Variants in CALD1 observed in about 807,000 individuals in gnomAD.
CALD1 encodes caldesmon.
Under a neutral mutation model 99.9 loss-of-function variants are expected in CALD1, and 33 were observed. The ratio of observed to expected loss-of-function variants is 0.33; its 90% CI spans 0.25 to 0.44. The LOEUF (loss-of-function observed/expected upper bound fraction) is 0.44. Ranked by LOEUF, CALD1 falls within the 20% of genes least tolerant of loss-of-function variation. The pLI, the probability that CALD1 is intolerant of heterozygous loss-of-function variation, is 1.00. For missense variants in CALD1, 861 were observed against 962.1 expected (o/e 0.89, Z 1.39); for synonymous variants, 310 against 325.0 (o/e 0.95, Z 0.50).
intron 1 of CALD1, among the ~76,000 whole-genome samples, chr7:134,806,064 A>G (rs1275521184): frequency 2.6e-5 from 4 of 152,170 alleles, no homozygotes; most frequent in Non-Finnish European, 4.4e-5. Context: ...CCCGGCCCCA[A>G]AGAAGATTTT....
At chr7:134,775,466 C>T (rs1361808139), upstream of CALD1, among the ~76,000 whole-genome samples, 1 of 152,168 alleles carries the variant, frequency 6.6e-6, no homozygotes, top group Non-Finnish European at 1.5e-5. Flanking sequence ...AATCCCAGCA[C>T]TTTGGGAGGC....
chr7:134,906,214 G>T (rs1439199567), intron 3 of CALD1, among the ~76,000 whole-genome samples: 1 of 151,866 alleles, frequency 6.6e-6, no homozygotes, highest in Non-Finnish European at 1.5e-5. Context: ...ACAGGCATGA[G>T]CCACCATGCC....
the CALD1 span, among the ~76,000 whole-genome samples, chr7:134,711,667 T>G: frequency 1.2e-5 from 1 of 85,552 alleles, no homozygotes; most frequent in South Asian, 4.8e-4. Flanking sequence ...TCTCTATATA[T>G]ATATATATAT....
chr7:134,874,798 T>C (rs1413763171), intron 3 of CALD1, among the ~76,000 whole-genome samples: 3 of 152,292 alleles, frequency 2.0e-5, no homozygotes, highest in Admixed American at 1.3e-4. Flanking sequence ...TGAAAGTAAA[T>C]ATTTTTACTA....
chr7:134,914,751 G>A (rs943991325), intron 3 of CALD1, among the ~76,000 whole-genome samples: 1 of 152,144 alleles, frequency 6.6e-6, no homozygotes, highest in African/African-American at 2.4e-5. Flanking sequence ...AGCTCCCAAT[G>A]CTAGCCATCC....
chr7:134,778,174 C>T (rs1796959183), upstream of CALD1, among the ~76,000 whole-genome samples: 1 of 152,126 alleles, frequency 6.6e-6, no homozygotes, highest in African/African-American at 2.4e-5. Flanking sequence ...GGGAAGCAAC[C>T]TTCCCAAAAA....
chr7:134,836,368 G>C (rs971840054), intron 1 of CALD1, among the ~76,000 whole-genome samples: 6 of 152,100 alleles, frequency 3.9e-5, no homozygotes, highest in African/African-American at 1.4e-4. Flanking sequence ...TAAAAATTAA[G>C]TGCACCATTT....
At chr7:134,780,794 T>C (rs1254045129) in intron 1 of CALD1, among the ~76,000 whole-genome samples, 1 of 152,242 alleles carries the variant, frequency 6.6e-6, no homozygotes, top group East Asian at 1.9e-4. Context: ...ACTTGTAAAC[T>C]GAAAATCCTT....
At chr7:134,753,034 A>AC (rs1491387537) in intron 1 of CALD1, among the ~76,000 whole-genome samples, 1 of 20,824 alleles carries the variant, frequency 4.8e-5, no homozygotes, top group African/African-American at 1.5e-4. Flanking sequence ...AAAAAAAAAC[A>AC]AAAAAAAAAA....
In CALD1 at chr7:134,803,943, G is replaced by A. The variant is rs181464334; in HGVS notation, c.-130+24194G>A. On this transcript the variant is annotated intron_variant, in intron 1 of 14. Coordinates refer to ENST00000361675, the MANE Select transcript of CALD1 (RefSeq NM_033138.4). ...ACTCCTGACCTCAGGTGATCCACCC[G>A]CCTCGGCCTCCCAAAGTGTTGGGAT... 4.7e-4 allele frequency among the ~76,000 whole-genome samples: 72 copies of A among 152,194 alleles called. No homozygotes were observed. The Middle Eastern group carries it at 0.014, about 29-fold the overall frequency.
At chr7:134,869,430 C>A (rs919314815) in intron 3 of CALD1, among the ~76,000 whole-genome samples, 5 of 152,210 alleles carry the variant, frequency 3.3e-5, no homozygotes, top group African/African-American at 4.8e-5. Flanking sequence ...ATGGGGATAC[C>A]AGCACTGGAA....
chr7:134,853,757 C>T (rs1470552713), intron 2 of CALD1, among the ~76,000 whole-genome samples: 1 of 152,066 alleles, frequency 6.6e-6, no homozygotes, highest in East Asian at 1.9e-4. Flanking sequence ...ATGTGCAGAA[C>T]GTGCAGCTTG....
chr7:134,963,149 A>T (rs555481340), intron 13 of CALD1, among the ~76,000 whole-genome samples: 1 of 152,348 alleles, frequency 6.6e-6, no homozygotes, highest in African/African-American at 2.4e-5. Context: ...AAGCGATAAT[A>T]GCTGCTTTCC....
At chr7:134,822,915 C>T (rs1485567280) in intron 1 of CALD1, among the ~76,000 whole-genome samples, 1 of 152,188 alleles carries the variant, frequency 6.6e-6, no homozygotes, top group Non-Finnish European at 1.5e-5. Flanking sequence ...ATCCCTGCCT[C>T]TCCACTGTAA....
chr7:134,735,091 T>C, the CALD1 span: 511 of 180,908 alleles, frequency 2.8e-3, 5 homozygotes, highest in African/African-American at 0.012. Flanking sequence ...CACTCCTGAA[T>C]GGTTGTGTTG....
chr7:134,954,710 C>G (rs1206777141), intron 9 of CALD1, among the ~76,000 whole-genome samples: 28 of 152,174 alleles, frequency 1.8e-4, no homozygotes, highest in Admixed American at 1.8e-3. Flanking sequence ...AAGAACAGTT[C>G]TCACCTCCGC....
intron 3 of CALD1, among the ~76,000 whole-genome samples, chr7:134,926,713 T>C (rs956577379): frequency 1.8e-4 from 28 of 152,280 alleles, no homozygotes; most frequent in African/African-American, 5.8e-4. Context: ...TTATATTAGG[T>C]TAATATATGG....
chr7:134,872,955 G>A (rs978189227), intron 3 of CALD1, among the ~76,000 whole-genome samples: 1 of 152,132 alleles, frequency 6.6e-6, no homozygotes, highest in African/African-American at 2.4e-5. Flanking sequence ...GGCCAAGGCA[G>A]GCAGATCACT....
intron 1 of CALD1, among the ~76,000 whole-genome samples, chr7:134,820,978 A>T (rs1798751818): frequency 6.6e-6 from 1 of 152,162 alleles, no homozygotes; most frequent in Admixed American, 6.5e-5. Flanking sequence ...AATGATGCAA[A>T]CTATTTACTT....
Sources: gnomAD v4.1 joint callset for allele counts (sites outside exome capture counted in the v4.1 genomes callset) on GRCh38, gnomAD v4.1.1 for gene constraint, MANE v1.5 for transcripts, NCBI Gene and HGNC (gene_info 2026-07-23, HGNC 2026-07-21) for gene names.